ACKR5: variants seen among roughly 807,000 people sequenced by gnomAD.
The protein encoded by ACKR5 is atypical chemokine receptor 5, also known as G protein-coupled receptor 182.
chr12:56,994,855 A>G, the ACKR5 span, among the ~76,000 whole-genome samples: 1 of 144,914 alleles, frequency 6.9e-6, no homozygotes, highest in Non-Finnish European at 1.5e-5. Context: ...AAGTGCCAGG[A>G]GAGAGGTGGA....
the ACKR5 span, chr12:56,995,405 G>A: frequency 6.2e-7 from 1 of 1,614,218 alleles, no homozygotes; most frequent in South Asian, 1.1e-5. This position sits in a 1 kb window ranked among gnomAD's most constrained non-coding sequence, Gnocchi z 4.7. Context: ...CATGTTTGTG[G>A]TTGGGCTGGT....
the ACKR5 span, chr12:56,995,683 C>T: frequency 6.2e-7 from 1 of 1,613,922 alleles, no homozygotes; most frequent in African/African-American, 1.3e-5. This position sits in a 1 kb window ranked among gnomAD's most constrained non-coding sequence, Gnocchi z 4.7. Context: ...TCACCAGCGC[C>T]TCCCCCTCCT....
At chr12:56,998,293 T>C in the ACKR5 span, 1 of 152,156 alleles carries the variant, frequency 6.6e-6, no homozygotes, top group Non-Finnish European at 1.5e-5. Flanking sequence ...GAACCAGCTG[T>C]TACACTCAGC....
At chr12:56,998,209 C>A in the ACKR5 span, 40 of 152,324 alleles carry the variant, frequency 2.6e-4, no homozygotes, top group African/African-American at 9.4e-4. Flanking sequence ...AGAGGCCACG[C>A]TCCCAAGATT....
the ACKR5 span, chr12:56,996,600 T>G: frequency 1.7e-6 from 1 of 605,692 alleles, no homozygotes; most frequent in Non-Finnish European, 2.9e-6. Context: ...GAGCAGGCCC[T>G]CAGTGTTGTA....
the ACKR5 span, chr12:56,997,522 GA>G: frequency 6.6e-6 from 1 of 152,186 alleles, no homozygotes; most frequent in Non-Finnish European, 1.5e-5. Flanking sequence ...TTCTACAGAT[GA>G]AACAAAAAAG....
chr12:56,995,034 G>T, the ACKR5 span, among the ~76,000 whole-genome samples: 2 of 152,194 alleles, frequency 1.3e-5, no homozygotes, highest in African/African-American at 4.8e-5. This position sits in a 1 kb window ranked among gnomAD's most constrained non-coding sequence, Gnocchi z 4.7. Context: ...TAGCAAGTGA[G>T]TTGTGTATTA....
the ACKR5 span, chr12:56,996,236 C>T: frequency 1.2e-6 from 2 of 1,614,140 alleles, no homozygotes; most frequent in South Asian, 2.2e-5. Flanking sequence ...TCCTAAGGAC[C>T]AGACCAAGGC....
the ACKR5 span, chr12:56,998,067 T>C: frequency 1.3e-5 from 2 of 152,236 alleles, no homozygotes; most frequent in Non-Finnish European, 2.9e-5. Context: ...GAAAAAGACT[T>C]TCCTCTCTTG....
At chr12:56,995,752 G>T in the ACKR5 span, 20 of 1,613,756 alleles carry the variant, frequency 1.2e-5, no homozygotes, top group South Asian at 1.1e-4. The surrounding 1 kb of genome is among the most constrained non-coding windows in gnomAD (Gnocchi z 4.7). Flanking sequence ...GGGTCCTCTC[G>T]GCCATCATCC....
chr12:56,996,049 G>T, the ACKR5 span: 1 of 1,611,448 alleles, frequency 6.2e-7, no homozygotes. Context: ...CCCTGCTGCT[G>T]CTCACACTGC....
chr12:56,995,366 C>T, the ACKR5 span: 66 of 1,614,092 alleles, frequency 4.1e-5, no homozygotes, highest in Non-Finnish European at 4.3e-5. The surrounding 1 kb of genome is among the most constrained non-coding windows in gnomAD (Gnocchi z 4.7). Flanking sequence ...GAGCACCAAG[C>T]GCGTGGTCCT....
chr12:56,995,519 C>T, the ACKR5 span: 1 of 1,614,012 alleles, frequency 6.2e-7, no homozygotes, highest in Non-Finnish European at 8.5e-7. The surrounding 1 kb of genome is among the most constrained non-coding windows in gnomAD (Gnocchi z 4.7). Context: ...GGGCATTGTC[C>T]TGTCTCTGCC....
the ACKR5 span, chr12:56,996,755 G>A: frequency 1.1e-5 from 3 of 267,190 alleles, no homozygotes; most frequent in Non-Finnish European, 2.1e-5. Flanking sequence ...AGAGGTGCTC[G>A]GCAGAGGAAA....
the ACKR5 span, chr12:56,995,152 C>T: frequency 1.8e-5 from 27 of 1,526,794 alleles, no homozygotes; most frequent in East Asian, 9.0e-5. The surrounding 1 kb of genome is among the most constrained non-coding windows in gnomAD (Gnocchi z 4.7). Context: ...ACAAGGCTCT[C>T]GAGGTCTGCT....
chr12:56,997,978 G>C, the ACKR5 span: 1 of 152,240 alleles, frequency 6.6e-6, no homozygotes, highest in Non-Finnish European at 1.5e-5. Context: ...GCACAGAGCT[G>C]AAGGCTTTTT....
the ACKR5 span, chr12:56,996,149 GTCA>G: frequency 1.3e-5 from 21 of 1,614,078 alleles, no homozygotes; most frequent in Non-Finnish European, 1.8e-5. Flanking sequence ...GCTGCACTGT[GTCA>G]TCAACCCCAT....
the ACKR5 span, chr12:56,995,397 T>C: frequency 1.9e-6 from 3 of 1,614,034 alleles, no homozygotes; most frequent in East Asian, 2.2e-5. The surrounding 1 kb of genome is among the most constrained non-coding windows in gnomAD (Gnocchi z 4.7). Context: ...TACCTGGCCA[T>C]GTTTGTGGTT....
chr12:56,995,433 T>TA, the ACKR5 span: 2 of 1,614,184 alleles, frequency 1.2e-6, no homozygotes, highest in African/African-American at 1.3e-5. The surrounding 1 kb of genome is among the most constrained non-coding windows in gnomAD (Gnocchi z 4.7). Flanking sequence ...CTCCTGGTGA[T>TA]ATGCGTCAAC....
Sources: gnomAD v4.1 joint callset for allele counts (sites outside exome capture counted in the v4.1 genomes callset) on GRCh38, gnomAD v4.1.1 for gene constraint, Gnocchi (gnomAD v3.1) non-coding constraint, MANE v1.5 for transcripts, NCBI Gene and HGNC (gene_info 2026-07-23, HGNC 2026-07-21) for gene names.